Variants in PEAK1 observed in about 807,000 individuals in gnomAD.
The protein encoded by PEAK1 is inactive tyrosine-protein kinase PEAK1.
PEAK1 carries 54 observed loss-of-function variants against 124.7 expected under a neutral mutation model. The observed-to-expected ratio is 0.43, with a 90% confidence interval of 0.35 to 0.54. The LOEUF is 0.54. Ranked by LOEUF, PEAK1 falls within the 20% of genes least tolerant of loss-of-function variation. The pLI is 0.01. For synonymous variants in PEAK1, 719 were observed against 760.0 expected (o/e 0.95, Z 0.89); for missense variants, 2,046 against 2,134.5 (o/e 0.96, Z 0.82).
intron 3 of PEAK1, 119 bp downstream of exon 3, chr15:77,286,304 C>T (rs928898631): frequency 9.5e-5 from 44 of 462,708 alleles, no homozygotes; most frequent in Non-Finnish European, 1.4e-4. Flanking sequence ...TTATCTCCTC[C>T]ATACTACTAT....
chr15:77,298,615 T>C (rs2063634438), intron 2 of PEAK1, among the ~76,000 whole-genome samples: 1 of 152,098 alleles, frequency 6.6e-6, no homozygotes, highest in East Asian at 1.9e-4. Context: ...ATAAATTAAA[T>C]GGTGCTTTAA....
chr15:77,239,394 C>A (rs1269542137), intron 6 of PEAK1, among the ~76,000 whole-genome samples: 1 of 152,148 alleles, frequency 6.6e-6, no homozygotes, highest in Non-Finnish European at 1.5e-5. Context: ...GGTTAGGGAT[C>A]AGACTAATTT....
intron 6 of PEAK1, among the ~76,000 whole-genome samples, chr15:77,246,925 C>T (rs755375278): frequency 4.0e-5 from 6 of 151,862 alleles, no homozygotes; most frequent in East Asian, 1.9e-4. Flanking sequence ...GGCTGAGGTT[C>T]GAGAATCGTT....
In PEAK1 at chr15:77,181,509, T is replaced by C; in HGVS notation, c.418A>G (p.Lys140Glu). The change falls in exon 7 of 10, where the codon AAG becomes GAG. Residue 140 changes from lysine (K) to glutamate (E), a missense_variant. Lys to Glu is a moderately conservative substitution (Grantham distance 56, BLOSUM62 1). Transcript: ENST00000682557. ...CCATTATTGTTATCTGACATCTTCTTTGCACTATCATTATTGCCATAAGGC... is the reference window on the plus strand; with the variant it reads ...CCATTATTGTTATCTGACATCTTCTCTGCACTATCATTATTGCCATAAGGC... ...PKPYGNNDSA[K>E]KMSDNNNGLT... 3 of 1,614,166 alleles carry C rather than the reference T, an allele frequency of 1.9e-6. No homozygotes were observed. Among genetic ancestry groups the C allele is most frequent in the Non-Finnish European group, 1.7e-6 (2 of 1,180,032 alleles).
intron 9 of PEAK1, among the ~76,000 whole-genome samples, chr15:77,125,458 G>A (rs774102428): frequency 8.5e-5 from 13 of 152,130 alleles, no homozygotes; most frequent in Non-Finnish European, 1.9e-4. Context: ...TTAACTTTGT[G>A]CCAAATGATG....
intron 8 of PEAK1, among the ~76,000 whole-genome samples, chr15:77,145,165 C>A (rs1354282974): frequency 3.3e-5 from 5 of 152,190 alleles, no homozygotes; most frequent in African/African-American, 1.2e-4. Context: ...AAAATGTCTT[C>A]AGGCCAGGTG....
chr15:77,403,740 C>A (rs1054322354), intron 1 of PEAK1: 3 of 961,684 alleles, frequency 3.1e-6, no homozygotes, highest in South Asian at 9.6e-5. Context: ...CTTACAGGAA[C>A]AAAATAAAGC....
chr15:77,138,431 A>T (rs751921293), intron 8 of PEAK1, among the ~76,000 whole-genome samples: 1 of 152,044 alleles, frequency 6.6e-6, no homozygotes, highest in Admixed American at 6.5e-5. Flanking sequence ...TTATTTAAAA[A>T]TTTTTCTCCA....
chr15:77,419,585 C>A, intron 1 of PEAK1: 3 of 985,144 alleles, frequency 3.0e-6, no homozygotes, highest in Non-Finnish European at 3.6e-6. Context: ...CCGGCAGGAG[C>A]CAGAGAAGCC....
chr15:77,290,922 G>C (rs2152978969), intron 2 of PEAK1, among the ~76,000 whole-genome samples: 1 of 152,290 alleles, frequency 6.6e-6, no homozygotes, highest in East Asian at 1.9e-4. Context: ...CCAAACTGAA[G>C]AATCTCTAAA....
At chr15:77,254,353 T>A (rs1268635521) in intron 5 of PEAK1, among the ~76,000 whole-genome samples, 1 of 152,162 alleles carries the variant, frequency 6.6e-6, no homozygotes, top group Non-Finnish European at 1.5e-5. Flanking sequence ...TCATTCAGGA[T>A]ATGTTCTTTT....
intron 9 of PEAK1, among the ~76,000 whole-genome samples, chr15:77,131,060 T>A (rs1262167552): frequency 6.6e-6 from 1 of 152,182 alleles, no homozygotes; most frequent in Non-Finnish European, 1.5e-5. Context: ...ACAGTGAATG[T>A]AACTGGGCAA....
intron 5 of PEAK1, among the ~76,000 whole-genome samples, chr15:77,257,188 C>T (rs1192024795): frequency 3.9e-5 from 6 of 152,004 alleles, no homozygotes; most frequent in East Asian, 1.9e-4. Flanking sequence ...AATAAACATA[C>T]GTGTGCATGT....
At chr15:77,313,742 T>TATATATATACATA (rs760524195) in intron 2 of PEAK1, among the ~76,000 whole-genome samples, 1 of 113,484 alleles carries the variant, frequency 8.8e-6, no homozygotes, top group Non-Finnish European at 1.8e-5. Flanking sequence ...ATATATATAT[T>TATATATATACATA]TATTTATTTA....
At chr15:77,417,963 CA>C in intron 1 of PEAK1, 1 of 971,138 alleles carries the variant, frequency 1.0e-6, no homozygotes, top group African/African-American at 1.8e-5. Flanking sequence ...CATAAATGTA[CA>C]AAGATAAATG....
intron 7 of PEAK1, among the ~76,000 whole-genome samples, chr15:77,167,869 T>C (rs2056219223): frequency 6.6e-6 from 1 of 152,212 alleles, no homozygotes; most frequent in African/African-American, 2.4e-5. Flanking sequence ...GTATTTCTCC[T>C]AATGCTATCC....
At chr15:77,268,713 TCAGGTTATCTAAAATCAAGATG>T (rs1229809581) in intron 5 of PEAK1, among the ~76,000 whole-genome samples, 2 of 152,180 alleles carry the variant, frequency 1.3e-5, no homozygotes, top group East Asian at 3.9e-4. Flanking sequence ...CACATAGTCA[TCAGGTTATCTAAAATCAAGATG>T]AAGGAAAGAA....
intron 1 of PEAK1, among the ~76,000 whole-genome samples, chr15:77,384,111 T>C (rs1288953979): frequency 6.6e-6 from 1 of 151,836 alleles, no homozygotes; most frequent in Non-Finnish European, 1.5e-5. Flanking sequence ...AGGGAGGGTA[T>C]GGAATGTAGA....
At chr15:77,342,819 C>T (rs1348282471) in intron 2 of PEAK1, among the ~76,000 whole-genome samples, 2 of 152,060 alleles carry the variant, frequency 1.3e-5, no homozygotes, top group Non-Finnish European at 2.9e-5. Flanking sequence ...AAATAATATC[C>T]CACTGTATGT....
Sources: allele counts gnomAD v4.1 joint callset (sites outside exome capture counted in the v4.1 genomes callset), GRCh38; gene constraint gnomAD v4.1.1; transcripts MANE v1.5; gene names NCBI Gene and HGNC (gene_info 2026-07-23, HGNC 2026-07-21).